DIP2C: variants seen among roughly 807,000 people sequenced by gnomAD.
DIP2C encodes DIP2 acetate--CoA ligase C (putative), also known as disco-interacting protein 2 homolog C.
DIP2C carries 33 observed loss-of-function variants against 192.4 expected under a neutral mutation model. The observed-to-expected ratio is 0.17, with a 90% CI of 0.13 to 0.23. The LOEUF (loss-of-function observed/expected upper bound fraction) is 0.23, where lower values mean the gene tolerates loss of function less well. Ranked by LOEUF, DIP2C falls within the 10% of genes least tolerant of loss-of-function variation. The pLI, the probability that DIP2C is intolerant of heterozygous loss-of-function variation, is 1.00. For missense variants in DIP2C, 1,537 were observed against 2,110.1 expected (o/e 0.73, Z 5.32); for synonymous variants, 979 against 864.1 (o/e 1.13, Z -2.33).
chr10:414,918 T>C (rs575125883), intron 7 of DIP2C, among the ~76,000 whole-genome samples: 23 of 137,440 alleles, frequency 1.7e-4, no homozygotes, highest in African/African-American at 6.2e-4. Flanking sequence ...TTTTTTTTTT[T>C]TTTGGTAGAG....
At chr10:526,728 G>A (rs969853380) in intron 1 of DIP2C, among the ~76,000 whole-genome samples, 7 of 152,160 alleles carry the variant, frequency 4.6e-5, no homozygotes, top group Non-Finnish European at 7.3e-5. Context: ...GGAAACTTCC[G>A]GAAGGCATTT....
intron 17 of DIP2C, among the ~76,000 whole-genome samples, chr10:381,835 G>A (rs1412326009): frequency 6.6e-6 from 1 of 152,140 alleles, no homozygotes; most frequent in Non-Finnish European, 1.5e-5. Flanking sequence ...TGGGAGTATT[G>A]CCGTGGACAT....
At chr10:518,927 T>C (rs1259868783) in intron 1 of DIP2C, among the ~76,000 whole-genome samples, 1 of 152,232 alleles carries the variant, frequency 6.6e-6, no homozygotes, top group African/African-American at 2.4e-5. Context: ...AGCCTGTAAC[T>C]TTGCCCACTT....
chr10:418,159 G>A (rs867802994), intron 6 of DIP2C, among the ~76,000 whole-genome samples: 12 of 52,296 alleles, frequency 2.3e-4, no homozygotes, highest in Non-Finnish European at 1.7e-4. Flanking sequence ...GTCAGAGCTC[G>A]GACAGGCCTC....
At chr10:370,225 T>C (rs1960798568) in intron 17 of DIP2C, among the ~76,000 whole-genome samples, 2 of 152,230 alleles carry the variant, frequency 1.3e-5, no homozygotes, top group Admixed American at 6.5e-5. Flanking sequence ...AGGCAAGCTG[T>C]AGAATGCATT....
chr10:601,491 C>A (rs1179971095), intron 1 of DIP2C, among the ~76,000 whole-genome samples: 2 of 152,220 alleles, frequency 1.3e-5, no homozygotes, highest in Admixed American at 1.3e-4. Flanking sequence ...CACTCAATTT[C>A]AATTCTACCT....
chr10:573,662 G>A (rs943670039), intron 1 of DIP2C, among the ~76,000 whole-genome samples: 8 of 152,078 alleles, frequency 5.3e-5, no homozygotes, highest in African/African-American at 1.9e-4. Context: ...CGCCCGCCTC[G>A]GCCTCCCAAA....
intron 4 of DIP2C, among the ~76,000 whole-genome samples, chr10:438,417 A>AAG (rs1967445366): frequency 6.6e-6 from 1 of 152,254 alleles, no homozygotes. Flanking sequence ...TAGTTACACA[A>AAG]AGAACACATA....
chr10:321,357 C>G (rs964428942), intron 31 of DIP2C, among the ~76,000 whole-genome samples: 1 of 152,260 alleles, frequency 6.6e-6, no homozygotes, highest in Non-Finnish European at 1.5e-5. Context: ...ACCAGGACCC[C>G]CTCTGACCGT....
At chr10:337,488 T>C (rs1365738874) in intron 29 of DIP2C, among the ~76,000 whole-genome samples, 4 of 141,290 alleles carry the variant, frequency 2.8e-5, no homozygotes, top group African/African-American at 1.1e-4. Flanking sequence ...TGTATGTGTG[T>C]GCTGTGGAGG....
At chr10:474,081 T>G (rs2133453691) in intron 2 of DIP2C, among the ~76,000 whole-genome samples, 1 of 152,360 alleles carries the variant, frequency 6.6e-6, no homozygotes, top group East Asian at 1.9e-4. Flanking sequence ...CATCTACAAC[T>G]GATCTTTTAA....
intron 3 of DIP2C, among the ~76,000 whole-genome samples, chr10:449,773 AAGT>A (rs1366875968): frequency 1.4e-5 from 2 of 143,004 alleles, no homozygotes; most frequent in African/African-American, 5.7e-5. Flanking sequence ...CTAAAACTTA[AAGT>A]ATAATTAAAA....
At position 454,851 on chromosome 10, in the gene DIP2C, T is replaced by C. The variant is rs1351652116; in HGVS notation, c.269-13855A>G. Reference sequence around the variant, plus strand: ...AAGAGGTAGTATACAAATGCGCCCTTTATGCTTGAAGTCATTATTGCTGTT... The same window carrying C: ...AAGAGGTAGTATACAAATGCGCCCTCTATGCTTGAAGTCATTATTGCTGTT... On this transcript the variant is annotated intron_variant, in intron 3 of 36. Transcript: ENST00000280886. Among the ~76,000 whole-genome samples, 6 of 152,268 alleles carry C rather than the reference T, an allele frequency of 3.9e-5. No individual in the cohort carries two copies. The East Asian group carries it at 1.2e-3, about 29-fold the overall frequency.
intron 29 of DIP2C, among the ~76,000 whole-genome samples, chr10:340,300 A>G (rs190330278): frequency 1.3e-5 from 2 of 152,276 alleles, no homozygotes. Flanking sequence ...TGTGTAAAGA[A>G]GATTTATGAG....
chr10:392,174 G>A (rs1018045529), intron 10 of DIP2C, among the ~76,000 whole-genome samples: 3 of 152,126 alleles, frequency 2.0e-5, no homozygotes, highest in Non-Finnish European at 2.9e-5. Flanking sequence ...ATTAGCAAAC[G>A]TCCCGACTCT....
chr10:292,348 T>TC (rs771148829), intron 32 of DIP2C, among the ~76,000 whole-genome samples: 15 of 152,260 alleles, frequency 9.9e-5, no homozygotes, highest in Non-Finnish European at 1.5e-4. Context: ...GCCTGGCCTC[T>TC]GTCTCACCCC....
At chr10:576,321 G>A (rs1034098385) in intron 1 of DIP2C, among the ~76,000 whole-genome samples, 11 of 152,222 alleles carry the variant, frequency 7.2e-5, no homozygotes, top group African/African-American at 1.9e-4. Flanking sequence ...AGCACTCACT[G>A]ACTCTTGACA....
chr10:487,956 G>A (rs184750359), intron 1 of DIP2C, among the ~76,000 whole-genome samples: 55 of 152,264 alleles, frequency 3.6e-4, no homozygotes, highest in African/African-American at 1.3e-3. Context: ...ACTCCACACC[G>A]GCAGCCATCA....
intron 26 of DIP2C, 75 bp downstream of exon 26, chr10:348,566 G>A (rs1490666400): frequency 1.3e-6 from 2 of 1,562,848 alleles, no homozygotes; most frequent in Non-Finnish European, 1.7e-6. Context: ...CCCAAGAGAT[G>A]TCAGAGTCTG....
Sources: gnomAD v4.1 joint callset for allele counts (sites outside exome capture counted in the v4.1 genomes callset) on GRCh38, gnomAD v4.1.1 for gene constraint, MANE v1.5 for transcripts, NCBI Gene and HGNC (gene_info 2026-07-23, HGNC 2026-07-21) for gene names.